Variants in RPSA2 observed in about 807,000 individuals in gnomAD.
The protein encoded by RPSA2 is small ribosomal subunit protein uS2B.
At chr19:23,858,558 C>T in the RPSA2 span, among the ~76,000 whole-genome samples, 1 of 152,182 alleles carries the variant, frequency 6.6e-6, no homozygotes, top group Non-Finnish European at 1.5e-5. Flanking sequence ...GGTAAAGTTT[C>T]CCTTCTAATA....
the RPSA2 span, among the ~76,000 whole-genome samples, chr19:23,785,426 G>A: frequency 6.6e-6 from 1 of 152,038 alleles, no homozygotes; most frequent in African/African-American, 2.4e-5. Context: ...CCTAGGAGAT[G>A]TGACTCTCCA....
At chr19:23,789,653 G>C in the RPSA2 span, among the ~76,000 whole-genome samples, 1 of 151,776 alleles carries the variant, frequency 6.6e-6, no homozygotes, top group South Asian at 2.1e-4. Flanking sequence ...ATTGTATAAA[G>C]CTCTCGGGTG....
the RPSA2 span, among the ~76,000 whole-genome samples, chr19:23,765,929 A>G: frequency 7.9e-5 from 12 of 151,566 alleles, no homozygotes; most frequent in African/African-American, 2.7e-4. Flanking sequence ...ATTAGCATGG[A>G]TAGGTGTGTA....
chr19:23,852,744 G>T, the RPSA2 span, among the ~76,000 whole-genome samples: 1 of 152,162 alleles, frequency 6.6e-6, no homozygotes, highest in African/African-American at 2.4e-5. Context: ...GGCCAGTCTT[G>T]GGGCCAGTTT....
the RPSA2 span, among the ~76,000 whole-genome samples, chr19:23,826,533 T>C: frequency 6.6e-6 from 1 of 152,124 alleles, no homozygotes; most frequent in Non-Finnish European, 1.5e-5. Flanking sequence ...AACACCACTC[T>C]GTTTTTTGTT....
At chr19:23,777,791 G>T in the RPSA2 span, among the ~76,000 whole-genome samples, 1 of 152,078 alleles carries the variant, frequency 6.6e-6, no homozygotes, top group Non-Finnish European at 1.5e-5. Context: ...TACCACCTGT[G>T]CCCTGTCTAC....
At chr19:23,786,821 A>C in the RPSA2 span, among the ~76,000 whole-genome samples, 3 of 152,002 alleles carry the variant, frequency 2.0e-5, no homozygotes, top group Non-Finnish European at 4.4e-5. Flanking sequence ...TCAACACCTA[A>C]GGGATGAGAG....
At chr19:23,828,692 G>C in the RPSA2 span, among the ~76,000 whole-genome samples, 1 of 151,484 alleles carries the variant, frequency 6.6e-6, no homozygotes, top group Non-Finnish European at 1.5e-5. Flanking sequence ...CAAGGGAAAT[G>C]TTGTATGAGC....
the RPSA2 span, among the ~76,000 whole-genome samples, chr19:23,837,897 A>C: frequency 6.6e-6 from 1 of 152,188 alleles, no homozygotes; most frequent in Non-Finnish European, 1.5e-5. Flanking sequence ...ATCAGCAAAC[A>C]GGGACAGTTT....
the RPSA2 span, among the ~76,000 whole-genome samples, chr19:23,767,482 G>A: frequency 6.6e-6 from 1 of 152,216 alleles, no homozygotes; most frequent in Admixed American, 6.5e-5. Context: ...CTGGATTCTT[G>A]AAATAAAATT....
the RPSA2 span, chr19:23,798,999 G>C: frequency 6.6e-6 from 1 of 152,136 alleles, no homozygotes; most frequent in Non-Finnish European, 1.5e-5. Flanking sequence ...AAATTAGAGA[G>C]CAGCAGAGAT....
the RPSA2 span, among the ~76,000 whole-genome samples, chr19:23,792,445 G>A: frequency 6.6e-6 from 1 of 152,190 alleles, no homozygotes; most frequent in Non-Finnish European, 1.5e-5. Flanking sequence ...AGGAGATTGG[G>A]AGGGTCTTAC....
chr19:23,778,249 G>A, the RPSA2 span, among the ~76,000 whole-genome samples: 1 of 152,114 alleles, frequency 6.6e-6, no homozygotes, highest in Non-Finnish European at 1.5e-5. Context: ...TTTCACTCTT[G>A]TTTCCCAGGC....
chr19:23,800,458 G>C, the RPSA2 span, among the ~76,000 whole-genome samples: 2 of 152,128 alleles, frequency 1.3e-5, no homozygotes, highest in Non-Finnish European at 2.9e-5. Flanking sequence ...CTTTACTCTA[G>C]AGGGGACTTT....
At chr19:23,778,995 C>CTTTTTTTTT in the RPSA2 span, among the ~76,000 whole-genome samples, 27 of 80,696 alleles carry the variant, frequency 3.3e-4, 1 homozygote, top group East Asian at 4.4e-4. Flanking sequence ...TTTTGTGACA[C>CTTTTTTTTT]TTTTTTTTTT....
the RPSA2 span, among the ~76,000 whole-genome samples, chr19:23,762,256 G>A: frequency 6.6e-6 from 1 of 152,024 alleles, no homozygotes; most frequent in African/African-American, 2.4e-5. Flanking sequence ...AGCCTGGGCT[G>A]CCTCCCACCC....
At chr19:23,781,079 A>G in the RPSA2 span, among the ~76,000 whole-genome samples, 1 of 152,140 alleles carries the variant, frequency 6.6e-6, no homozygotes, top group South Asian at 2.1e-4. Context: ...GGTTCAAGCG[A>G]TTCTTTCACC....
At chr19:23,836,789 T>C in the RPSA2 span, among the ~76,000 whole-genome samples, 52 of 152,302 alleles carry the variant, frequency 3.4e-4, 1 homozygote, top group Admixed American at 3.4e-3. Context: ...TTTTTTTTAA[T>C]ATGTTTGTTG....
the RPSA2 span, among the ~76,000 whole-genome samples, chr19:23,869,116 C>A: frequency 6.6e-6 from 1 of 152,298 alleles, no homozygotes; most frequent in Admixed American, 6.5e-5. Context: ...AGCAGTACAA[C>A]CTGTACTTTG....
Sources: gnomAD v4.1 joint callset for allele counts (sites outside exome capture counted in the v4.1 genomes callset) on GRCh38, gnomAD v4.1.1 for gene constraint, MANE v1.5 for transcripts, NCBI Gene and HGNC (gene_info 2026-07-23, HGNC 2026-07-21) for gene names.